FNDC3B: variants seen among roughly 807,000 people sequenced by gnomAD.
FNDC3B encodes fibronectin type III domain-containing protein 3B.
Under a neutral mutation model 151.5 loss-of-function variants are expected in FNDC3B, and 12 were observed. The observed-to-expected ratio is 0.08, with a 90% confidence interval of 0.05 to 0.13. The LOEUF (loss-of-function observed/expected upper bound fraction) is 0.13, where lower values mean the gene tolerates loss of function less well. FNDC3B is among the 10% of genes least tolerant of loss of function. The pLI is 1.00. For synonymous variants in FNDC3B, 528 were observed against 549.0 expected (o/e 0.96, Z 0.54); for missense variants, 1,214 against 1,505.3 (o/e 0.81, Z 3.20).
At chr3:172,110,377 C>T (rs1409507425) in intron 1 of FNDC3B, among the ~76,000 whole-genome samples, 1 of 152,036 alleles carries the variant, frequency 6.6e-6, no homozygotes, top group Non-Finnish European at 1.5e-5. Context: ...TGGGTTGGAC[C>T]ACATGGAGTA....
chr3:172,381,583 C>G (rs964052591), intron 25 of FNDC3B, among the ~76,000 whole-genome samples: 7 of 151,930 alleles, frequency 4.6e-5, no homozygotes, highest in Non-Finnish European at 8.8e-5. Context: ...AACCTGTCAT[C>G]TACATTAGGT....
chr3:172,110,558 A>G (rs578241538), intron 1 of FNDC3B, among the ~76,000 whole-genome samples: 2 of 151,894 alleles, frequency 1.3e-5, no homozygotes, highest in South Asian at 4.2e-4. Flanking sequence ...GCCTTGTTGG[A>G]TAAGAGAGAA....
rs781553503 is a variant in FNDC3B at position 172,381,072 on chromosome 3, A to G, written c.3282A>G (p.Gly1094=). 3 of 1,613,604 alleles carry G rather than the reference A, an allele frequency of 1.9e-6. No individual in the cohort carries two copies. Among genetic ancestry groups the G allele is most frequent in the African/African-American group, 1.3e-5 (1 of 74,920 alleles). ...ACTACATTCTGCAGGTATTGGTTGG[A>G]AGAGAATCTGAGTACAAACAGGTAA... ...PVNYILQVLV[G]RESEYKQVYK... is the part of the protein sequence containing the mutation. The change falls in exon 25 of 26, where the codon GGA becomes GGG. Residue 1094 remains glycine (G), a synonymous_variant. Coordinates refer to ENST00000415807, the MANE Select transcript of FNDC3B (RefSeq NM_022763.4).
At chr3:172,070,462 C>T (rs866258968) in intron 1 of FNDC3B, among the ~76,000 whole-genome samples, 35 of 152,230 alleles carry the variant, frequency 2.3e-4, no homozygotes, top group Middle Eastern at 3.4e-3. Flanking sequence ...AACCAGGTCG[C>T]ATGAAAGGAT....
At chr3:172,167,571 C>T (rs910360788) in intron 3 of FNDC3B, among the ~76,000 whole-genome samples, 1 of 152,200 alleles carries the variant, frequency 6.6e-6, no homozygotes, top group Non-Finnish European at 1.5e-5. Flanking sequence ...AGTTTTTATG[C>T]TTTCCACAGC....
chr3:172,151,514 G>A (rs1357614466), intron 3 of FNDC3B, among the ~76,000 whole-genome samples: 6 of 151,380 alleles, frequency 4.0e-5, no homozygotes, highest in Non-Finnish European at 8.8e-5. Context: ...TATTACCTTT[G>A]GATCTAGCCC....
At chr3:172,297,492 T>C (rs74675953) in intron 8 of FNDC3B, among the ~76,000 whole-genome samples, 1 of 152,176 alleles carries the variant, frequency 6.6e-6, no homozygotes, top group Non-Finnish European at 1.5e-5. Context: ...GTTTTTTTTT[T>C]GAGACAGAGT....
chr3:172,343,119 G>A lies in FNDC3B; in HGVS notation c.2077+3G>A, dbSNP rs747167805. The A allele has an allele frequency of 6.2e-5, 92 of 1,477,624 alleles. No individual in the cohort carries two copies. In the East Asian group the frequency reaches 1.9e-3, roughly 31 times the overall value. The allele number at this position is 1,477,624 out of a possible 1,614,324, so 91.5% of individuals were successfully genotyped here. On this transcript the variant is annotated splice_donor_region_variant and intron_variant, in intron 18 of 25. Transcript: ENST00000415807. ...CAAAGAAGTCCACTTAGAGTGGGGT[G>A]AGTGAACTAACCTTCACATTGACAT...
chr3:172,122,338 G>C (rs1720595700), intron 2 of FNDC3B, among the ~76,000 whole-genome samples: 2 of 151,988 alleles, frequency 1.3e-5, no homozygotes. Context: ...GCCTGCCAAG[G>C]AGCCAGTTGC....
At chr3:172,331,396 C>T (rs1480308574) in intron 13 of FNDC3B, among the ~76,000 whole-genome samples, 2 of 152,132 alleles carry the variant, frequency 1.3e-5, no homozygotes, top group South Asian at 2.1e-4. Flanking sequence ...CTTGCTCTGT[C>T]ACCCAGGCTG....
chr3:172,223,504 CCT>C (rs1368949031), intron 3 of FNDC3B, among the ~76,000 whole-genome samples: 44 of 152,272 alleles, frequency 2.9e-4, no homozygotes, highest in African/African-American at 1.0e-3. Flanking sequence ...ACATGCTTGT[CCT>C]ACATTCTTTA....
At chr3:172,328,368 G>A (rs1329527232) in intron 11 of FNDC3B, among the ~76,000 whole-genome samples, 2 of 152,238 alleles carry the variant, frequency 1.3e-5, no homozygotes, top group African/African-American at 4.8e-5. Flanking sequence ...TTTGTGACCA[G>A]TAGCAGCAAT....
chr3:172,149,649 C>A (rs1722106241), intron 3 of FNDC3B, among the ~76,000 whole-genome samples: 2 of 151,854 alleles, frequency 1.3e-5, no homozygotes, highest in Admixed American at 1.3e-4. Context: ...ATCATTGAGA[C>A]CTTACTTTAG....
At chr3:172,069,774 G>C (rs1004596533) in intron 1 of FNDC3B, among the ~76,000 whole-genome samples, 2 of 152,174 alleles carry the variant, frequency 1.3e-5, no homozygotes, top group African/African-American at 4.8e-5. Context: ...TCCCCTTTCA[G>C]ATTCCAAGTA....
At chr3:172,300,201 C>T (rs553492159) in intron 9 of FNDC3B, among the ~76,000 whole-genome samples, 2 of 152,246 alleles carry the variant, frequency 1.3e-5, no homozygotes, top group Admixed American at 6.5e-5. Flanking sequence ...ATGGTTTAAC[C>T]ATTATTCAAA....
At chr3:172,154,058 G>T (rs992765699) in intron 3 of FNDC3B, among the ~76,000 whole-genome samples, 2 of 152,100 alleles carry the variant, frequency 1.3e-5, no homozygotes, top group Non-Finnish European at 2.9e-5. Context: ...CTCGATAAGC[G>T]CTTGTTTCAG....
At chr3:172,102,881 A>G (rs1317760029) in intron 1 of FNDC3B, among the ~76,000 whole-genome samples, 1 of 152,220 alleles carries the variant, frequency 6.6e-6, no homozygotes, top group Non-Finnish European at 1.5e-5. Flanking sequence ...ACAGAAACAC[A>G]TAACATTTCA....
intron 3 of FNDC3B, among the ~76,000 whole-genome samples, chr3:172,146,887 ATACT>A (rs1182739568): frequency 6.6e-6 from 1 of 152,262 alleles, no homozygotes; most frequent in East Asian, 1.9e-4. Context: ...GATTTACTTT[ATACT>A]TACTTAGATG....
intron 1 of FNDC3B, among the ~76,000 whole-genome samples, chr3:172,092,478 A>T (rs1323308350): frequency 6.6e-6 from 1 of 152,222 alleles, no homozygotes; most frequent in African/African-American, 2.4e-5. Flanking sequence ...GAATGGAGGA[A>T]AGGCTGTTTG....
Sources: gnomAD v4.1 joint callset for allele counts (sites outside exome capture counted in the v4.1 genomes callset) on GRCh38, gnomAD v4.1.1 for gene constraint, MANE v1.5 for transcripts, NCBI Gene and HGNC (gene_info 2026-07-23, HGNC 2026-07-21) for gene names.